Variants in TOGARAM1 observed in about 807,000 individuals in gnomAD.
The protein encoded by TOGARAM1 is TOG array regulator of axonemal microtubules protein 1.
In TOGARAM1, 100 loss-of-function variants were observed where a neutral mutation model predicts 166.6. The ratio of observed to expected loss-of-function variants is 0.60; its 90% CI spans 0.51 to 0.71. The LOEUF (loss-of-function observed/expected upper bound fraction) is 0.71. Ranked by LOEUF, TOGARAM1 falls within the 30% of genes least tolerant of loss-of-function variation. The probability of loss-of-function intolerance (pLI) is 0.00; values close to 1 mark genes in which losing one functional copy is unlikely to be tolerated. For synonymous variants in TOGARAM1, 758 were observed against 763.8 expected (o/e 0.99, Z 0.13); for missense variants, 2,029 against 2,102.7 (o/e 0.96, Z 0.69).
At position 45,054,479 on chromosome 14, in the gene TOGARAM1, T is replaced by A. The variant is rs146196174; in HGVS notation, c.4489T>A (p.Ser1497Thr). 58 of 1,613,486 alleles carry A rather than the reference T, an allele frequency of 3.6e-5. No individual in the cohort carries two copies. Among genetic ancestry groups the A allele is most frequent in the Non-Finnish European group, 4.4e-5 (52 of 1,179,764 alleles). ...TACTCCTTCAGCAAAAGGAAGACGA[T>A]CTCATACTGGCAGTGTTGGAAATAC... is the stretch of plus-strand genomic sequence containing the variant. ...LDTPSAKGRR[S>T]HTGSVGNTRS... The change falls in exon 16 of 20, where the codon TCT becomes ACT. Residue 1497 changes from serine to threonine, a missense_variant. Transcript: ENST00000361462.
chr14:45,002,847 C>T (rs529222751), intron 3 of TOGARAM1, among the ~76,000 whole-genome samples: 1 of 151,978 alleles, frequency 6.6e-6, no homozygotes, highest in South Asian at 2.1e-4. Context: ...GACATGGTGG[C>T]GGGCACCTAT....
intron 11 of TOGARAM1, among the ~76,000 whole-genome samples, chr14:45,038,950 C>T (rs1881578632): frequency 6.6e-6 from 1 of 152,094 alleles, no homozygotes; most frequent in Non-Finnish European, 1.5e-5. Context: ...CGCAAGTTGT[C>T]CTGACATCTG....
chr14:45,028,034 T>C, intron 9 of TOGARAM1, 142 bp from the exon 10 acceptor site: 2 of 561,648 alleles, frequency 3.6e-6, no homozygotes, highest in Non-Finnish European at 3.1e-6. Context: ...TACATATATA[T>C]GTATGGGTAT....
At chr14:44,964,979 A>G (rs1212579187) in intron 1 of TOGARAM1, among the ~76,000 whole-genome samples, 1 of 151,208 alleles carries the variant, frequency 6.6e-6, no homozygotes, top group African/African-American at 2.4e-5. Flanking sequence ...AAAAAGGAAA[A>G]AGAAAAAGCC....
chr14:45,020,918 T>G (rs1880461976), intron 7 of TOGARAM1, among the ~76,000 whole-genome samples: 1 of 152,176 alleles, frequency 6.6e-6, no homozygotes, highest in Non-Finnish European at 1.5e-5. Flanking sequence ...ATGTGGCCTG[T>G]AGTGCAGGGG....
At chr14:45,064,084 C>T (rs921972408) in intron 16 of TOGARAM1, among the ~76,000 whole-genome samples, 1 of 151,816 alleles carries the variant, frequency 6.6e-6, no homozygotes, top group Admixed American at 6.6e-5. Context: ...CTGACCCCCA[C>T]CCCCCGCTCT....
At chr14:44,966,838 C>T (rs1885573329) in intron 1 of TOGARAM1, among the ~76,000 whole-genome samples, 1 of 152,066 alleles carries the variant, frequency 6.6e-6, no homozygotes, top group Non-Finnish European at 1.5e-5. Flanking sequence ...GCCTGTAGTC[C>T]CAGCTACTTC....
chr14:45,045,708 T>TATATATACAC (rs536860711), intron 13 of TOGARAM1, among the ~76,000 whole-genome samples: 1 of 130,272 alleles, frequency 7.7e-6, no homozygotes, highest in Non-Finnish European at 1.6e-5. Context: ...TATATGTGTA[T>TATATATACAC]ATATATACAC....
At chr14:45,007,296 AC>A (rs1217687263) in intron 5 of TOGARAM1, 2 of 150,322 alleles carry the variant, frequency 1.3e-5, no homozygotes, top group Non-Finnish European at 3.0e-5. Context: ...TAAAGTAATC[AC>A]CCCAACTTCT....
At chr14:44,973,578 T>TC (rs1566599499) in intron 1 of TOGARAM1, among the ~76,000 whole-genome samples, 1 of 148,296 alleles carries the variant, frequency 6.7e-6, no homozygotes, top group Non-Finnish European at 1.5e-5. Flanking sequence ...CCAGTGTACT[T>TC]TCTCTCTCTC....
intron 7 of TOGARAM1, among the ~76,000 whole-genome samples, chr14:45,017,965 A>G (rs1002275837): frequency 1.3e-5 from 2 of 152,224 alleles, no homozygotes; most frequent in Non-Finnish European, 1.5e-5. Context: ...TACTCTGTCC[A>G]TTGCTTAAGA....
chr14:45,046,277 TAAAATC>T (rs1281006053), intron 13 of TOGARAM1, among the ~76,000 whole-genome samples: 2 of 152,012 alleles, frequency 1.3e-5, no homozygotes, highest in African/African-American at 4.8e-5. Flanking sequence ...GTACTAAAAA[TAAAATC>T]AAATTACCTG....
chr14:45,024,517 C>T (rs548192456), intron 7 of TOGARAM1, among the ~76,000 whole-genome samples: 3 of 152,128 alleles, frequency 2.0e-5, no homozygotes, highest in Admixed American at 6.5e-5. Flanking sequence ...TGAAGTTAAA[C>T]TCATTGGAGA....
In TOGARAM1 at chr14:45,071,818, T is replaced by A; in HGVS notation, c.5056+20T>A. 6.4e-7 allele frequency: 1 copy of A among 1,560,320 alleles called. No homozygotes were observed. The highest frequency in any genetic ancestry group is 8.7e-7 in the Non-Finnish European group (1 of 1,144,332). ...TTGCTGGTAAATACTTTGTAATTTC[T>A]AAAGAAATATTTTATTAACTAAGGA... On this transcript the variant is annotated intron_variant, in intron 19 of 19. Coordinates refer to ENST00000361462, the MANE Select transcript of TOGARAM1 (RefSeq NM_001308120.2).
In TOGARAM1 at chr14:45,052,675, G is replaced by C. The variant is rs540438468; in HGVS notation, c.4440+113G>C. On this transcript the variant is annotated intron_variant, in intron 15 of 19. Transcript: ENST00000361462. ...TGATTATTTCTCTGTTAATCATTTG[G>C]ACTATTGGACTATATCTGCAATAGC... 1.5e-5 allele frequency: 14 copies of C among 921,940 alleles called. No homozygotes were observed. In the African/African-American group the frequency reaches 1.7e-4, roughly 11 times the overall value. The allele number at this position is 921,940 out of a possible 1,614,324, so 57.1% of individuals were successfully genotyped here. A position where few individuals can be genotyped will look rare whatever the true frequency, so the allele number is the denominator to read the frequency against.
At chr14:45,045,571 ATATATATATATATGTGTGTGTGTGTGTG>A (rs1881972564) in intron 13 of TOGARAM1, among the ~76,000 whole-genome samples, 1 of 40,774 alleles carries the variant, frequency 2.5e-5, no homozygotes, top group Non-Finnish European at 4.0e-5. Flanking sequence ...ATATATATAT[ATATATATATATATGTGTGTGTGTGTGTG>A]TGTGTGTGTG....
intron 14 of TOGARAM1, among the ~76,000 whole-genome samples, chr14:45,047,015 C>A (rs1882098693): frequency 6.6e-6 from 1 of 152,012 alleles, no homozygotes; most frequent in Non-Finnish European, 1.5e-5. Context: ...TCATTATGGG[C>A]AAATGTAAGG....
chr14:44,965,293 A>C (rs2138708064), intron 1 of TOGARAM1, among the ~76,000 whole-genome samples: 1 of 152,326 alleles, frequency 6.6e-6, no homozygotes, highest in African/African-American at 2.4e-5. Context: ...TGTAACAGAC[A>C]GCCTGTATTT....
At chr14:44,987,958 A>G (rs1206238834) in intron 1 of TOGARAM1, among the ~76,000 whole-genome samples, 1 of 152,006 alleles carries the variant, frequency 6.6e-6, no homozygotes, top group African/African-American at 2.4e-5. Flanking sequence ...CTTTGTAGGG[A>G]CATGGATGAA....
Sources: allele counts gnomAD v4.1 joint callset (sites outside exome capture counted in the v4.1 genomes callset), GRCh38; gene constraint gnomAD v4.1.1; transcripts MANE v1.5; gene names NCBI Gene and HGNC (gene_info 2026-07-23, HGNC 2026-07-21).